ECT2: variants seen among roughly 807,000 people sequenced by gnomAD.
The protein encoded by ECT2 is epithelial cell transforming 2.
Under a neutral mutation model 116.9 loss-of-function variants are expected in ECT2, and 61 were observed. The observed-to-expected ratio is 0.52, with a 90% CI of 0.42 to 0.65. The LOEUF (loss-of-function observed/expected upper bound fraction) is 0.65. ECT2 is among the 30% of genes least tolerant of loss of function. ECT2 has a pLI of 0.00. For missense variants in ECT2, 937 were observed against 1,078.7 expected, an observed-to-expected ratio of 0.87 and a Z score of 1.84; for synonymous variants, 358 against 346.4, an observed-to-expected ratio of 1.03 and a Z score of -0.37.
At chr3:172,786,682 G>A in intron 18 of ECT2, 108 bp downstream of exon 18, 1 of 701,456 alleles carries the variant, frequency 1.4e-6, no homozygotes, top group Admixed American at 2.8e-5. Flanking sequence ...TTTGTAAAAT[G>A]TCTAGATTAT....
chr3:172,807,727 C>T, intron 21 of ECT2, 43 bp from the exon 22 acceptor site: 1 of 1,552,334 alleles, frequency 6.4e-7, no homozygotes, highest in Non-Finnish European at 8.7e-7. Flanking sequence ...TGTCATTTTC[C>T]AAGGAGTGAC....
intron 14 of ECT2, among the ~76,000 whole-genome samples, chr3:172,776,702 A>G (rs949191900): frequency 2.6e-5 from 4 of 152,172 alleles, no homozygotes; most frequent in Non-Finnish European, 4.4e-5. Flanking sequence ...CTTCTTTAAA[A>G]TCATGCTGAG....
chr3:172,788,665 C>A (rs563394471), intron 18 of ECT2, among the ~76,000 whole-genome samples: 1 of 152,264 alleles, frequency 6.6e-6, no homozygotes, highest in East Asian at 1.9e-4. Flanking sequence ...TTTCTCAGGG[C>A]ATATAAAAGT....
chr3:172,795,713 A>G (rs1251222315), intron 18 of ECT2, among the ~76,000 whole-genome samples: 1 of 152,238 alleles, frequency 6.6e-6, no homozygotes, highest in Non-Finnish European at 1.5e-5. Flanking sequence ...TGGGATAAAC[A>G]TTTATAACTA....
chr3:172,798,765 T>C (rs1726196893), intron 18 of ECT2, among the ~76,000 whole-genome samples: 1 of 152,228 alleles, frequency 6.6e-6, no homozygotes, highest in South Asian at 2.1e-4. Flanking sequence ...AGCATTCTTT[T>C]AGCAATATAG....
chr3:172,783,425 A>T (rs564002115), intron 15 of ECT2, among the ~76,000 whole-genome samples: 1 of 152,116 alleles, frequency 6.6e-6, no homozygotes, highest in South Asian at 2.1e-4. Context: ...TGATCTTTTA[A>T]TGGCGGTTTG....
chr3:172,828,353 G>T, the ECT2 span, among the ~76,000 whole-genome samples: 2 of 49,880 alleles, frequency 4.0e-5, no homozygotes, highest in Non-Finnish European at 8.3e-5. Flanking sequence ...TGTGTGTGTG[G>T]CTGTGTCTGT....
At chr3:172,822,643 C>G (rs910053906), downstream of ECT2, among the ~76,000 whole-genome samples, 31 of 151,960 alleles carry the variant, frequency 2.0e-4, no homozygotes, top group African/African-American at 7.0e-4. Context: ...ACTCCAGGAA[C>G]TGGAAATAAT....
intron 17 of ECT2, 123 bp from the exon 18 acceptor site, chr3:172,786,370 T>C: frequency 1.6e-6 from 1 of 633,638 alleles, no homozygotes; most frequent in Non-Finnish European, 2.7e-6. Flanking sequence ...CTTAAAACTT[T>C]TTAAAAAATA....
At chr3:172,825,452 T>C (rs574055441), downstream of ECT2, among the ~76,000 whole-genome samples, 1 of 152,320 alleles carries the variant, frequency 6.6e-6, no homozygotes, top group Admixed American at 6.5e-5. Flanking sequence ...CTTGTGCTAA[T>C]AGCCGAGTTG....
At chr3:172,782,709 G>A (rs1722920644) in intron 15 of ECT2, among the ~76,000 whole-genome samples, 1 of 151,958 alleles carries the variant, frequency 6.6e-6, no homozygotes, top group South Asian at 2.1e-4. Flanking sequence ...CTTCCAGTAG[G>A]CCCCAGGTAT....
intron 5 of ECT2, 50 bp downstream of exon 5, chr3:172,757,215 G>T (rs763222230): frequency 1.5e-6 from 2 of 1,319,874 alleles, no homozygotes; most frequent in East Asian, 2.9e-5. Context: ...TTTTATTAAT[G>T]AATTTTAATT....
intron 1 of ECT2, 134 bp from the exon 2 acceptor site, chr3:172,754,375 C>A (rs1716541239): frequency 1.7e-6 from 1 of 582,360 alleles, no homozygotes; most frequent in Non-Finnish European, 2.9e-6. Context: ...CAGAGAAGGT[C>A]AGTGACTTTC....
At chr3:172,809,033 C>T (rs965040785) in intron 22 of ECT2, among the ~76,000 whole-genome samples, 9 of 151,886 alleles carry the variant, frequency 5.9e-5, no homozygotes, top group Non-Finnish European at 1.0e-4. Flanking sequence ...ATGATGGAGA[C>T]CACTTTTGTT....
At chr3:172,761,435 T>C (rs987746845) in intron 7 of ECT2, among the ~76,000 whole-genome samples, 175 bp from the exon 8 acceptor site, 4 of 152,208 alleles carry the variant, frequency 2.6e-5, no homozygotes, top group Admixed American at 1.3e-4. Flanking sequence ...GTTTTGAAGT[T>C]ATTTTACCCT....
rs146823982 is a variant in ECT2, at chr3:172,802,898, G to A, written c.2024G>A (p.Arg675Gln). Reference sequence around the variant, plus strand: ...TCTTCTCACCGAAGCTTAGTACAGCGGGTTGAAACAATTTCTCTAGGTGAG... The same window carrying A: ...TCTTCTCACCGAAGCTTAGTACAGCAGGTTGAAACAATTTCTCTAGGTGAG... Reference protein sequence around the residue: ...LLSSHRSLVQRVETISLGEHP... With the variant: ...LLSSHRSLVQQVETISLGEHP... The change falls in exon 20 of 25, where the codon CGG becomes CAG. Residue 675 changes from arginine to glutamine, a missense_variant. By Grantham distance (43) the Arg-to-Gln change is conservative. Coordinates refer to ENST00000392692, the MANE Select transcript of ECT2 (RefSeq NM_001258315.2). The A allele has an allele frequency of 2.4e-5, 38 of 1,612,968 alleles. No homozygotes were observed. Among genetic ancestry groups the A allele is most frequent in the Middle Eastern group, 3.3e-4 (2 of 6,048 alleles).
intron 18 of ECT2, among the ~76,000 whole-genome samples, chr3:172,798,410 C>T (rs990863278): frequency 6.6e-6 from 1 of 152,058 alleles, no homozygotes; most frequent in Non-Finnish European, 1.5e-5. Context: ...TTCTATCCAA[C>T]AAGTGCCCTA....
At chr3:172,813,238 A>G (rs1729086161) in intron 22 of ECT2, among the ~76,000 whole-genome samples, 1 of 152,130 alleles carries the variant, frequency 6.6e-6, no homozygotes, top group African/African-American at 2.4e-5. Context: ...CTCTTTTCCA[A>G]TAAAATTTGA....
chr3:172,811,090 G>T (rs919268692), intron 22 of ECT2, among the ~76,000 whole-genome samples: 5 of 151,990 alleles, frequency 3.3e-5, no homozygotes, highest in Non-Finnish European at 7.4e-5. Flanking sequence ...AATGAGTTTT[G>T]GCTAATCTAT....
Sources: allele counts gnomAD v4.1 joint callset (sites outside exome capture counted in the v4.1 genomes callset), GRCh38; gene constraint gnomAD v4.1.1; transcripts MANE v1.5; gene names NCBI Gene and HGNC (gene_info 2026-07-23, HGNC 2026-07-21).